The following PCTP variants were observed in gnomAD, a reference collection of about 807,000 sequenced individuals.
PCTP encodes the protein START domain-containing protein 2.
In PCTP, 27 loss-of-function variants were observed where a neutral mutation model predicts 31.0. The observed-to-expected ratio is 0.87, with a 90% confidence interval of 0.64 to 1.20. The LOEUF (loss-of-function observed/expected upper bound fraction) is 1.20, where lower values mean the gene tolerates loss of function less well. Among genes scored for constraint, PCTP ranks in the 50% most tolerant of loss-of-function variants. PCTP has a pLI of 0.00. For synonymous variants in PCTP, 108 were observed against 101.2 expected, an observed-to-expected ratio of 1.07 and a Z score of -0.40; for missense variants, 287 against 268.2, an observed-to-expected ratio of 1.07 and a Z score of -0.49.
At chr17:55,818,870 G>A (rs1255467877) in intron 3 of PCTP, among the ~76,000 whole-genome samples, 2 of 151,954 alleles carry the variant, frequency 1.3e-5, no homozygotes, top group Non-Finnish European at 2.9e-5. Flanking sequence ...AACAGCAAGG[G>A]CACGGTCAGA....
chr17:55,772,568 G>A, intron 3 of PCTP, among the ~76,000 whole-genome samples: 1 of 143,992 alleles, frequency 6.9e-6, no homozygotes. Context: ...GTCTGGGTGA[G>A]ACTCTGTCTC....
rs1911820802 is a variant in PCTP, at chr17:55,788,205, T to A, written c.317+551T>A. Reference sequence around the variant, plus strand: ...AGGACTTCACACTAGTTCTTAATGATTTGTACCATGCTAACTTTAACCTCT... The same window carrying A: ...AGGACTTCACACTAGTTCTTAATGAATTGTACCATGCTAACTTTAACCTCT... On this transcript the variant is annotated intron_variant, in intron 3 of 3. Transcript: ENST00000572536. 2.0e-5 allele frequency among the ~76,000 whole-genome samples: 3 copies of A among 152,196 alleles called. No homozygotes were observed. The South Asian group carries it at 6.2e-4, about 32-fold the overall frequency.
In PCTP at chr17:55,786,732, A is replaced by AT. The variant is rs545991849; in HGVS notation, c.229-830dup. On this transcript the variant is annotated intron_variant, in intron 2 of 3. Transcript: ENST00000572536. ...TTTCTTGGATGTTTAGTGTGTCTTC[A>AT]TTTTGTGGTCATCTTGTGCAGTTAA... 1.4e-4 allele frequency among the ~76,000 whole-genome samples: 21 copies of AT among 152,142 alleles called. 1 individual carries two copies. In the South Asian group the frequency reaches 4.1e-3, roughly 30 times the overall value.
At chr17:55,775,601 A>G (rs1911285063) in intron 5 of PCTP, 11 of 1,185,674 alleles carry the variant, frequency 9.3e-6, no homozygotes, top group Non-Finnish European at 1.2e-5. Context: ...ATATTTAGGA[A>G]AAGTCTTGCC....
chr17:55,762,842 A>AT (rs1910411404), intron 1 of PCTP, among the ~76,000 whole-genome samples: 1 of 148,962 alleles, frequency 6.7e-6, no homozygotes, highest in Non-Finnish European at 1.5e-5. Flanking sequence ...TTACATTGCC[A>AT]CGGGGTTCTC....
rs764116787 is a variant in PCTP, at chr17:55,751,056, G to C, written c.-48G>C. 6 of 1,480,140 alleles carry C rather than the reference G, an allele frequency of 4.1e-6. No homozygotes were observed. Among genetic ancestry groups the C allele is most frequent in the Non-Finnish European group, 4.5e-6 (5 of 1,118,840 alleles). 91.7% of individuals were successfully genotyped at this position (1,480,140 alleles called of 1,614,324 possible). On this transcript the variant is annotated 5_prime_UTR_variant, in exon 1 of 6. Coordinates refer to ENST00000268896, the MANE Select transcript of PCTP (RefSeq NM_021213.4). ...ACCCCGCCCCCAGGCCCACACTAAG[G>C]GTGTCCGCGGCCTGCCCTCCAGGCG...
chr17:55,795,324 A>G (rs938397964), intron 3 of PCTP, among the ~76,000 whole-genome samples: 1 of 152,020 alleles, frequency 6.6e-6, no homozygotes, highest in African/African-American at 2.4e-5. Flanking sequence ...CAAACGAGAA[A>G]AATACTTGAG....
At chr17:55,778,521 C>T (rs1911445870), downstream of PCTP, among the ~76,000 whole-genome samples, 1 of 152,084 alleles carries the variant, frequency 6.6e-6, no homozygotes, top group Non-Finnish European at 1.5e-5. Context: ...GACCAAATGG[C>T]ATGAACCTGG....
chr17:55,819,102 G>A (rs78792821), intron 3 of PCTP, among the ~76,000 whole-genome samples: 3,977 of 148,624 alleles, frequency 0.027, 178 homozygotes, highest in African/African-American at 0.093. Context: ...TAATAACAGC[G>A]ACACCCCTTC....
At chr17:55,821,337 A>G (rs1913108853) in intron 3 of PCTP, among the ~76,000 whole-genome samples, 2 of 152,184 alleles carry the variant, frequency 1.3e-5, no homozygotes, top group Non-Finnish European at 2.9e-5. Flanking sequence ...AAATCCATAC[A>G]AAGAGTAAAT....
intron 3 of PCTP, among the ~76,000 whole-genome samples, chr17:55,788,728 A>G (rs1911843952): frequency 6.6e-6 from 1 of 152,172 alleles, no homozygotes; most frequent in Admixed American, 6.5e-5. Flanking sequence ...TCACTGTATG[A>G]TTCTGTCAAC....
chr17:55,847,512 G>A (rs1216537761), downstream of PCTP, among the ~76,000 whole-genome samples: 1 of 152,172 alleles, frequency 6.6e-6, no homozygotes, highest in East Asian at 1.9e-4. Context: ...GTCTCCTGCT[G>A]CCATGTAAGA....
downstream of PCTP, among the ~76,000 whole-genome samples, chr17:55,845,768 C>T (rs1005158923): frequency 3.3e-5 from 5 of 151,972 alleles, no homozygotes; most frequent in South Asian, 6.2e-4. Context: ...CCCGTGAGGC[C>T]CCTGGCTCCG....
chr17:55,793,314 G>A (rs1306764693), intron 3 of PCTP, among the ~76,000 whole-genome samples: 1 of 152,046 alleles, frequency 6.6e-6, no homozygotes, highest in East Asian at 1.9e-4. Context: ...ATGTTAGGGA[G>A]GTGCAGGACC....
rs1911315523 is a variant in PCTP, at chr17:55,776,101, G to A, written c.*1G>A. On this transcript the variant is annotated 3_prime_UTR_variant, in exon 6 of 6. Transcript: ENST00000268896. ...TCAGAACTACCTCAAGAAAACCTAA[G>A]AAAGAGAACTGGGAACATTGCATCC... 1 of 1,613,804 alleles carries A rather than the reference G, an allele frequency of 6.2e-7. No individual in the cohort carries two copies. The highest frequency in any genetic ancestry group is 8.5e-7 in the Non-Finnish European group (1 of 1,179,948).
At chr17:55,818,058 C>A (rs1199045593) in intron 3 of PCTP, among the ~76,000 whole-genome samples, 1 of 152,146 alleles carries the variant, frequency 6.6e-6, no homozygotes, top group Non-Finnish European at 1.5e-5. Flanking sequence ...TGCAGCACAG[C>A]TTGGGGTGGG....
intron 4 of PCTP, 78 bp from the exon 5 acceptor site, chr17:55,774,714 T>A: frequency 2.6e-5 from 31 of 1,193,296 alleles, no homozygotes; most frequent in Non-Finnish European, 3.8e-5. Flanking sequence ...TATGAAGATA[T>A]AAAGTTTGCA....
intron 2 of PCTP, chr17:55,770,332 C>G: frequency 6.6e-6 from 1 of 152,230 alleles, no homozygotes; most frequent in Admixed American, 6.5e-5. Context: ...CATTCTGGAA[C>G]CTTCATATCC....
downstream of PCTP, among the ~76,000 whole-genome samples, chr17:55,844,730 T>G (rs1004149684): frequency 6.9e-4 from 105 of 152,124 alleles, 1 homozygote; most frequent in African/African-American, 2.5e-3. Flanking sequence ...AAAGTCTCTG[T>G]CCTTGTCCTC....
Sources: allele counts gnomAD v4.1 joint callset (sites outside exome capture counted in the v4.1 genomes callset), GRCh38; gene constraint gnomAD v4.1.1; transcripts MANE v1.5; gene names NCBI Gene and HGNC (gene_info 2026-07-23, HGNC 2026-07-21).